The following IFNAR1 variants were observed in gnomAD, a reference collection of about 807,000 sequenced individuals.
IFNAR1 encodes interferon alpha/beta receptor 1.
Under a neutral mutation model 62.1 loss-of-function variants are expected in IFNAR1, and 47 were observed. That is an observed-to-expected ratio of 0.76 (90% CI 0.60 to 0.97). The LOEUF (loss-of-function observed/expected upper bound fraction) is 0.97. Ranked by LOEUF, IFNAR1 falls within the 50% of genes least tolerant of loss-of-function variation. The pLI, the probability that IFNAR1 is intolerant of heterozygous loss-of-function variation, is 0.00. For missense variants in IFNAR1, 638 were observed against 654.5 expected (o/e 0.97, Z 0.27); for synonymous variants, 219 against 226.9 (o/e 0.97, Z 0.31).
intron 8 of IFNAR1, among the ~76,000 whole-genome samples, chr21:33,350,763 A>G (rs1411754561): frequency 6.6e-6 from 1 of 152,168 alleles, no homozygotes; most frequent in Non-Finnish European, 1.5e-5. Flanking sequence ...TAATTGTCTG[A>G]CAACCCTGTA....
chr21:33,350,878 G>A (rs922597773), intron 8 of IFNAR1, among the ~76,000 whole-genome samples: 5 of 152,166 alleles, frequency 3.3e-5, no homozygotes, highest in Non-Finnish European at 5.9e-5. Flanking sequence ...GTAACCTTAC[G>A]TACGCAGGGT....
intron 6 of IFNAR1, among the ~76,000 whole-genome samples, chr21:33,348,625 A>C (rs960758364): frequency 8.5e-5 from 13 of 152,102 alleles, no homozygotes; most frequent in Non-Finnish European, 1.2e-4. Context: ...AACATGACGA[A>C]ACCCCATCTC....
intron 1 of IFNAR1, chr21:33,334,517 A>G: frequency 2.5e-6 from 1 of 404,952 alleles, no homozygotes; most frequent in Non-Finnish European, 4.8e-6. Context: ...AGATGTTCTT[A>G]GATAGACAAA....
chr21:33,349,820 G>T (rs984505696), intron 8 of IFNAR1, among the ~76,000 whole-genome samples: 6 of 151,820 alleles, frequency 4.0e-5, no homozygotes, highest in African/African-American at 1.5e-4. Flanking sequence ...CAGCTACTTG[G>T]GGTGGGAGGG....
At position 33,339,161 on chromosome 21, in the gene IFNAR1, A is replaced by AC. The variant is rs1177258400; in HGVS notation, c.201-1837dup. On this transcript the variant is annotated intron_variant, in intron 2 of 10. Transcript: ENST00000270139. ...CCTGAAGTAGGAAAGACAGATGTAA[A>AC]CAGTGAGGTTGGGTTGAAATTATAT... Among the ~76,000 whole-genome samples, 9 of 152,200 alleles carry AC rather than the reference A, an allele frequency of 5.9e-5. No individual in the cohort carries two copies. In the East Asian group the frequency reaches 1.7e-3, roughly 29 times the overall value.
chr21:33,333,614 A>ATTTTTTTTTTTTTTTTTTTTTTTT lies in IFNAR1; in HGVS notation c.77-1899_77-1898insTTTTTTTTTTTTTTTTTTTTTTTT, dbSNP rs59240203. On this transcript the variant is annotated intron_variant, in intron 1 of 10. Coordinates refer to ENST00000270139, the MANE Select transcript of IFNAR1 (RefSeq NM_000629.3). Reference sequence around the variant, plus strand: ...CCATACTTAAAGAGACTGGCGGAATATTTTTTTTTTTCTTTTTTTTTTTTT... The same window carrying ATTTTTTTTTTTTTTTTTTTTTTTT: ...CCATACTTAAAGAGACTGGCGGAATATTTTTTTTTTTTTTTTTTTTTTTTTTTTTTTTTTTCTTTTTTTTTTTTT... Among the ~76,000 whole-genome samples, 95 of 106,988 alleles carry ATTTTTTTTTTTTTTTTTTTTTTTT rather than the reference A, an allele frequency of 8.9e-4. 13 individuals carry two copies. The highest frequency in any genetic ancestry group is 2.7e-3 in the African/African-American group (67 of 24,428). 70.2% of individuals were successfully genotyped at this position (106,988 alleles called of 152,430 possible). A position where few individuals can be genotyped will look rare whatever the true frequency, so the allele number is the denominator to read the frequency against.
Position 33,341,143 on chromosome 21 carries a change from T to C in IFNAR1, c.345T>C (p.Tyr115=), listed in dbSNP as rs1261830195. ...RAEKENTSSW[Y]EVDSFTPFRK... is the part of the protein sequence containing the mutation. ...AAAAAGAAAACACTTCTTCATGGTA[T>C]GAGGTTGACTCATTTACACCATTTC... is the stretch of plus-strand genomic sequence containing the variant. Residue 115 remains tyrosine, a synonymous_variant, in exon 3 of 11, where the codon TAT becomes TAC. Coordinates refer to ENST00000270139, the MANE Select transcript of IFNAR1 (RefSeq NM_000629.3). 1 of 1,612,536 alleles carries C rather than the reference T, an allele frequency of 6.2e-7. No individual in the cohort carries two copies. The highest frequency in any genetic ancestry group is 1.7e-5 in the Admixed American group (1 of 59,646).
At chr21:33,330,112 G>A (rs537321903) in intron 1 of IFNAR1, among the ~76,000 whole-genome samples, 1 of 152,328 alleles carries the variant, frequency 6.6e-6, no homozygotes, top group Admixed American at 6.5e-5. Context: ...ACCCTTAGCA[G>A]ACAGCTGTGC....
rs141894380 is a variant in IFNAR1, at chr21:33,339,214, C to G, written c.201-1785C>G. Among the ~76,000 whole-genome samples the G allele has an allele frequency of 1.6e-4, 24 of 152,158 alleles. No homozygotes were observed. The East Asian group carries it at 4.6e-3, about 29-fold the overall frequency. ...AGTTTTAAATTTTTGATAAGGTTTT[C>G]TGTTTATAATGAGAGTTTCTGGATT... On this transcript the variant is annotated intron_variant, in intron 2 of 10. Transcript: ENST00000270139.
chr21:33,342,688 C>CAAAAAAAAAAAA (rs757422966), intron 3 of IFNAR1, among the ~76,000 whole-genome samples: 3 of 93,482 alleles, frequency 3.2e-5, no homozygotes, highest in African/African-American at 1.2e-4. Context: ...ACTAAAAATA[C>CAAAAAAAAAAAA]AAAAAAAAAA....
At chr21:33,347,191 A>G (rs1394235913) in intron 6 of IFNAR1, among the ~76,000 whole-genome samples, 1 of 149,464 alleles carries the variant, frequency 6.7e-6, no homozygotes, top group Non-Finnish European at 1.5e-5. Context: ...GTGCAGTGAC[A>G]TGATCTCAGC....
Position 33,325,139 on chromosome 21 carries a change from G to A in IFNAR1, c.76+8G>A, listed in dbSNP as rs1410088510. ...TGTTGTCCGCAGCCGCAGGTGAGAG[G>A]CGGGGAGGAGAGTCTTGGCGCAGGG... On this transcript the variant is annotated splice_region_variant and intron_variant, in intron 1 of 10. Transcript: ENST00000270139. 1.2e-6 allele frequency: 2 copies of A among 1,608,366 alleles called. No individual in the cohort carries two copies. The highest frequency in any genetic ancestry group is 4.5e-5 in the East Asian group (2 of 44,716).
At chr21:33,349,637 A>T in intron 8 of IFNAR1, 94 bp downstream of exon 8, 2 of 948,328 alleles carry the variant, frequency 2.1e-6, no homozygotes, top group Non-Finnish European at 3.1e-6. Flanking sequence ...GGAAATTTTT[A>T]AACTTTATGT....
intron 1 of IFNAR1, chr21:33,334,584 C>T: frequency 1.7e-6 from 1 of 582,078 alleles, no homozygotes; most frequent in South Asian, 1.5e-5. Context: ...TAAGGAAGTC[C>T]TGAAAGGTGA....
At chr21:33,341,270 C>A in intron 3 of IFNAR1, 96 bp downstream of exon 3, 1 of 950,748 alleles carries the variant, frequency 1.1e-6, no homozygotes, top group Non-Finnish European at 1.5e-6. Context: ...CAAAATCTAA[C>A]ATCTTTTAAA....
At chr21:33,336,154 A>G (rs1161559236) in intron 2 of IFNAR1, among the ~76,000 whole-genome samples, 6 of 144,086 alleles carry the variant, frequency 4.2e-5, no homozygotes, top group Admixed American at 7.1e-5. Flanking sequence ...GTTCCCACCT[A>G]TGAGTGAGAA....
At chr21:33,332,932 C>T (rs1357879393) in intron 1 of IFNAR1, among the ~76,000 whole-genome samples, 1 of 152,172 alleles carries the variant, frequency 6.6e-6, no homozygotes, top group Non-Finnish European at 1.5e-5. Context: ...CATATACAAA[C>T]TATTTAATGA....
intron 1 of IFNAR1, 59 bp from the exon 2 acceptor site, chr21:33,335,465 A>C: frequency 1.0e-6 from 1 of 969,040 alleles, no homozygotes; most frequent in Non-Finnish European, 1.5e-6. Context: ...GGATAGAATA[A>C]CATTTAGAAT....
Position 33,356,385 on chromosome 21 carries a change from T to A in IFNAR1, c.*836T>A, listed in dbSNP as rs541693400. The A allele has an allele frequency of 6.6e-6, 1 of 152,212 alleles. No homozygotes were observed. 9.4% of individuals were successfully genotyped at this position (152,212 alleles called of 1,614,324 possible). A position where few individuals can be genotyped will look rare whatever the true frequency, so the allele number is the denominator to read the frequency against. ...AAAGTCTGAACACGTTATCACTTGGTTTTCTGGAAAGTAGCTTACCCTAGA... is the reference window on the plus strand; with the variant it reads ...AAAGTCTGAACACGTTATCACTTGGATTTCTGGAAAGTAGCTTACCCTAGA... On this transcript the variant is annotated 3_prime_UTR_variant, in exon 11 of 11. Transcript: ENST00000270139.
Sources: gnomAD v4.1 joint callset for allele counts (sites outside exome capture counted in the v4.1 genomes callset) on GRCh38, gnomAD v4.1.1 for gene constraint, MANE v1.5 for transcripts, NCBI Gene and HGNC (gene_info 2026-07-23, HGNC 2026-07-21) for gene names.